The following ZNF254 variants were observed in gnomAD, a reference collection of about 807,000 sequenced individuals.
ZNF254 encodes CTD-2017D11.1.
ZNF254 carries 10 observed loss-of-function variants against 12.4 expected under a neutral mutation model. The ratio of observed to expected loss-of-function variants is 0.80; its 90% CI spans 0.50 to 1.36. ZNF254 has a LOEUF of 1.36. Among genes scored for constraint, ZNF254 ranks in the 40% most tolerant of loss-of-function variants. ZNF254 has a pLI of 0.00. For missense variants in ZNF254, 996 were observed against 763.9 expected (o/e 1.30, Z -3.58); for synonymous variants, 305 against 253.4 (o/e 1.20, Z -1.93).
chr19:24,077,218 G>A (rs2145546852), intron 2 of ZNF254, among the ~76,000 whole-genome samples: 1 of 152,226 alleles, frequency 6.6e-6, no homozygotes, highest in South Asian at 2.1e-4. Flanking sequence ...TGTCTTACCT[G>A]ACCACACCAA....
chr19:24,086,009 C>G (rs1055103866), upstream of ZNF254, among the ~76,000 whole-genome samples: 5 of 151,802 alleles, frequency 3.3e-5, no homozygotes, highest in Admixed American at 2.0e-4. Flanking sequence ...GAGTTCGTGA[C>G]CAGCCTGGCA....
chr19:24,128,796 A>C lies in ZNF254; in HGVS notation c.*816A>C, dbSNP rs1023639583. The C allele has an allele frequency of 2.6e-5, 4 of 152,094 alleles. No individual in the cohort carries two copies. The highest frequency in any genetic ancestry group is 5.9e-5 in the Non-Finnish European group (4 of 67,950). The allele number at this position is 152,094 out of a possible 1,614,324, so 9.4% of individuals were successfully genotyped here. ...ATTACACTAAATCAGAGTGCTGAGT[A>C]TAGAAAATAATACAAACAGATTTGT... On this transcript the variant is annotated 3_prime_UTR_variant, in exon 4 of 4. Transcript: ENST00000357002.
chr19:24,053,570 G>A (rs1970727770), intron 2 of ZNF254, among the ~76,000 whole-genome samples: 1 of 152,088 alleles, frequency 6.6e-6, no homozygotes, highest in East Asian at 1.9e-4. Flanking sequence ...GTGCCCAGGT[G>A]ATATGACTTT....
At chr19:24,049,493 C>T (rs62113758) in intron 2 of ZNF254, 24,091 of 151,860 alleles carry the variant, frequency 0.16, 2,091 homozygotes, top group Middle Eastern at 0.23. Context: ...TTGTTGCTCC[C>T]GCCTGAGCCC....
chr19:24,052,239 C>T (rs1970675859), intron 2 of ZNF254, among the ~76,000 whole-genome samples: 1 of 152,192 alleles, frequency 6.6e-6, no homozygotes, highest in Non-Finnish European at 1.5e-5. Context: ...TGTGACATGC[C>T]TGGATTCAAC....
chr19:24,050,181 A>T (rs1970592201), intron 2 of ZNF254, among the ~76,000 whole-genome samples: 2 of 151,918 alleles, frequency 1.3e-5, no homozygotes, highest in African/African-American at 4.8e-5. Flanking sequence ...TATTTTTGAG[A>T]CAGAATCTCA....
Position 24,126,683 on chromosome 19 carries a change from A to C in ZNF254, c.683A>C (p.His228Pro), listed in dbSNP as rs372130135. Residue 228 changes from histidine to proline, a missense_variant, in exon 4 of 4, where the codon CAT becomes CCT. Coordinates refer to ENST00000357002, the MANE Select transcript of ZNF254 (RefSeq NM_203282.4). ...AATTGGTCCTCAACCCTTACTAATC[A>C]TAGGAAAATTTATACTGAAGAGAAA... ...TFNWSSTLTN[H>P]RKIYTEEKPY... The C allele has an allele frequency of 2.5e-6, 4 of 1,613,390 alleles. No individual in the cohort carries two copies. The highest frequency in any genetic ancestry group is 3.4e-6 in the Non-Finnish European group (4 of 1,179,740).
At chr19:24,037,891 G>C (rs751184655) in intron 1 of ZNF254, among the ~76,000 whole-genome samples, 8 of 152,162 alleles carry the variant, frequency 5.3e-5, no homozygotes, top group Admixed American at 2.6e-4. Context: ...TTATAGGCGT[G>C]AGACATCACA....
intron 3 of ZNF254, among the ~76,000 whole-genome samples, chr19:24,125,817 C>T (rs906733388): frequency 2.0e-5 from 3 of 152,122 alleles, no homozygotes; most frequent in African/African-American, 7.2e-5. Flanking sequence ...TACTTTATGT[C>T]ATGAGAGACA....
intron 2 of ZNF254, among the ~76,000 whole-genome samples, chr19:24,069,602 C>A (rs1971406829): frequency 1.0e-5 from 1 of 100,052 alleles, no homozygotes; most frequent in Non-Finnish European, 1.9e-5. Flanking sequence ...GAGACTCCAT[C>A]TCAAAAAAAA....
At chr19:24,044,095 C>G (rs1970281229) in intron 1 of ZNF254, among the ~76,000 whole-genome samples, 1 of 151,692 alleles carries the variant, frequency 6.6e-6, no homozygotes, top group Admixed American at 6.6e-5. Flanking sequence ...AAAAACTTAG[C>G]TGGGCGTGCT....
At chr19:24,100,197 A>G (rs1055544580) in intron 1 of ZNF254, among the ~76,000 whole-genome samples, 2 of 152,192 alleles carry the variant, frequency 1.3e-5, no homozygotes, top group African/African-American at 4.8e-5. Context: ...AAACTGATTC[A>G]GAGACCATGG....
chr19:24,114,936 A>G (rs1973937313), intron 3 of ZNF254, among the ~76,000 whole-genome samples: 1 of 152,298 alleles, frequency 6.6e-6, no homozygotes, highest in Non-Finnish European at 1.5e-5. Context: ...GCTCACCATC[A>G]CTGGCCATCA....
chr19:24,083,947 A>G (rs1481206239), upstream of ZNF254, among the ~76,000 whole-genome samples: 90 of 152,204 alleles, frequency 5.9e-4, no homozygotes, highest in Non-Finnish European at 2.9e-5. Flanking sequence ...AAAAATTAAA[A>G]GTAGAACTAC....
intron 2 of ZNF254, among the ~76,000 whole-genome samples, chr19:24,067,920 C>T (rs78936850): frequency 4.2e-3 from 645 of 152,296 alleles, no homozygotes; most frequent in Non-Finnish European, 7.0e-3. Flanking sequence ...AGTGATGTGA[C>T]TCTTCATCAG....
intron 2 of ZNF254, among the ~76,000 whole-genome samples, chr19:24,077,411 T>C (rs1182665997): frequency 6.6e-6 from 1 of 152,204 alleles, no homozygotes; most frequent in Non-Finnish European, 1.5e-5. Context: ...CCTTTTGTTT[T>C]ACACAGCCAA....
At chr19:24,093,834 C>T (rs1007450224) in intron 1 of ZNF254, among the ~76,000 whole-genome samples, 7 of 151,628 alleles carry the variant, frequency 4.6e-5, no homozygotes, top group Non-Finnish European at 8.8e-5. Flanking sequence ...ATATTTTGGT[C>T]ATTTGATTAG....
chr19:24,088,545 G>C (rs535879922), intron 1 of ZNF254, among the ~76,000 whole-genome samples: 2 of 151,940 alleles, frequency 1.3e-5, no homozygotes, highest in African/African-American at 4.8e-5. Flanking sequence ...TAAATTTCCC[G>C]TTTTGTCTGA....
At chr19:24,106,743 A>C in intron 3 of ZNF254, 100 bp downstream of exon 3, 1 of 1,130,138 alleles carries the variant, frequency 8.8e-7, no homozygotes, top group Non-Finnish European at 1.2e-6. Context: ...ATCCAAAGGA[A>C]ATAGTTTCTG....
Sources: gnomAD v4.1 joint callset for allele counts (sites outside exome capture counted in the v4.1 genomes callset) on GRCh38, gnomAD v4.1.1 for gene constraint, MANE v1.5 for transcripts, NCBI Gene and HGNC (gene_info 2026-07-23, HGNC 2026-07-21) for gene names.